The following GMDS variants were observed in gnomAD, a reference collection of about 807,000 sequenced individuals.
GMDS encodes GDP-mannose 4,6 dehydratase.
Under a neutral mutation model 49.9 loss-of-function variants are expected in GMDS, and 20 were observed. That is an observed-to-expected ratio of 0.40 (90% CI 0.28 to 0.58). The LOEUF is 0.58. Among genes scored for constraint, GMDS ranks in the 20% least tolerant of loss-of-function variants. The pLI, the probability that GMDS is intolerant of heterozygous loss-of-function variation, is 0.42. For synonymous variants in GMDS, 177 were observed against 178.6 expected, an observed-to-expected ratio of 0.99 and a Z score of 0.07; for missense variants, 362 against 481.4, an observed-to-expected ratio of 0.75 and a Z score of 2.32.
At chr6:2,233,745 G>T (rs186951598) in intron 1 of GMDS, among the ~76,000 whole-genome samples, 1 of 152,160 alleles carries the variant, frequency 6.6e-6, no homozygotes, top group Non-Finnish European at 1.5e-5. Context: ...TCTTGATCCC[G>T]GTGGGGGGCG....
intron 9 of GMDS, among the ~76,000 whole-genome samples, chr6:1,667,971 A>G (rs982779032): frequency 1.3e-5 from 2 of 152,212 alleles, no homozygotes; most frequent in Non-Finnish European, 2.9e-5. Context: ...TCCACATCAC[A>G]TGCGGCTGAC....
chr6:1,728,799 A>C (rs1050798492), intron 8 of GMDS, among the ~76,000 whole-genome samples: 5 of 152,176 alleles, frequency 3.3e-5, no homozygotes, highest in African/African-American at 1.2e-4. Context: ...TTCACAGATC[A>C]CATATAGTCT....
intron 4 of GMDS, among the ~76,000 whole-genome samples, chr6:2,067,540 A>G (rs1335932384): frequency 6.6e-6 from 1 of 152,148 alleles, no homozygotes; most frequent in East Asian, 1.9e-4. Flanking sequence ...AGAAAAAAAG[A>G]GAGAAGAATC....
intron 7 of GMDS, among the ~76,000 whole-genome samples, chr6:1,810,071 C>G (rs1033314849): frequency 2.0e-5 from 3 of 152,032 alleles, no homozygotes; most frequent in African/African-American, 7.2e-5. Flanking sequence ...TGTGGTAGCC[C>G]CTGAGCCGGG....
At chr6:2,220,278 AC>A (rs1407394870) in intron 1 of GMDS, among the ~76,000 whole-genome samples, 3 of 152,166 alleles carry the variant, frequency 2.0e-5, no homozygotes, top group Non-Finnish European at 4.4e-5. Context: ...AGGTACGGTA[AC>A]CTTTTAGTCA....
Position 1,623,866 on chromosome 6 carries a change from C to T in GMDS, c.*303G>A, listed in dbSNP as rs907284471. The T allele has an allele frequency of 7.4e-6, 3 of 406,488 alleles. No homozygotes were observed. Among genetic ancestry groups the T allele is most frequent in the East Asian group, 4.0e-5 (1 of 25,142 alleles). The allele number at this position is 406,488 out of a possible 1,614,324, so 25.2% of individuals were successfully genotyped here. On this transcript the variant is annotated 3_prime_UTR_variant, in exon 11 of 11. Transcript: ENST00000380815. Reference sequence around the variant, plus strand: ...AGAGAAAAACAATTTGAAGGCCCCACAATTTGTTGTGTAACAACATAATTT... The same window carrying T: ...AGAGAAAAACAATTTGAAGGCCCCATAATTTGTTGTGTAACAACATAATTT...
At chr6:1,817,155 C>T (rs1770707316) in intron 7 of GMDS, among the ~76,000 whole-genome samples, 1 of 150,998 alleles carries the variant, frequency 6.6e-6, no homozygotes, top group Non-Finnish European at 1.5e-5. Flanking sequence ...CAAGATGCTA[C>T]TGATAGATTG....
intron 7 of GMDS, among the ~76,000 whole-genome samples, chr6:1,813,185 G>A (rs752332037): frequency 1.1e-4 from 14 of 127,470 alleles, no homozygotes; most frequent in East Asian, 4.7e-4. Flanking sequence ...ATGTGCCGCC[G>A]CACTGAAGCC....
intron 4 of GMDS, among the ~76,000 whole-genome samples, chr6:2,002,582 C>A (rs552639726): frequency 1.1e-4 from 16 of 152,272 alleles, no homozygotes; most frequent in Admixed American, 3.9e-4. Flanking sequence ...TCTATGAAAT[C>A]CTACCCTGTG....
At chr6:1,892,162 A>T (rs755125469) in intron 7 of GMDS, among the ~76,000 whole-genome samples, 6 of 152,206 alleles carry the variant, frequency 3.9e-5, no homozygotes, top group Admixed American at 2.0e-4. Flanking sequence ...CTACTTAAAT[A>T]TGACATTTCT....
chr6:1,775,288 C>T (rs1301984457), intron 7 of GMDS, among the ~76,000 whole-genome samples: 1 of 152,170 alleles, frequency 6.6e-6, no homozygotes, highest in Non-Finnish European at 1.5e-5. Flanking sequence ...AGAGCCAAAA[C>T]GATGCAAATA....
chr6:2,218,070 C>A (rs1041471746), intron 1 of GMDS, among the ~76,000 whole-genome samples: 2 of 152,160 alleles, frequency 1.3e-5, no homozygotes, highest in African/African-American at 4.8e-5. Context: ...TGGGGGTACC[C>A]CTAAGCCCCA....
intron 1 of GMDS, among the ~76,000 whole-genome samples, chr6:2,240,177 C>T (rs1781547998): frequency 6.6e-6 from 1 of 152,200 alleles, no homozygotes; most frequent in Non-Finnish European, 1.5e-5. Context: ...ACTTTATAGC[C>T]TTGTGGTTGA....
chr6:1,815,984 C>T (rs1176699495), intron 7 of GMDS, among the ~76,000 whole-genome samples: 1 of 152,186 alleles, frequency 6.6e-6, no homozygotes, highest in Non-Finnish European at 1.5e-5. Flanking sequence ...AAATCCATTT[C>T]CCCACCTCTG....
chr6:1,989,683 T>C (rs998979075), intron 4 of GMDS, among the ~76,000 whole-genome samples: 3 of 152,088 alleles, frequency 2.0e-5, no homozygotes, highest in African/African-American at 7.2e-5. Flanking sequence ...ACTGGTACAC[T>C]CCCTTCCAAA....
intron 7 of GMDS, among the ~76,000 whole-genome samples, chr6:1,845,943 T>C (rs1181807874): frequency 6.6e-6 from 1 of 152,058 alleles, no homozygotes; most frequent in African/African-American, 2.4e-5. Flanking sequence ...CTCATAGCAA[T>C]ATTCAGGCAT....
chr6:1,868,119 T>G (rs1758530808), intron 7 of GMDS, among the ~76,000 whole-genome samples: 1 of 152,126 alleles, frequency 6.6e-6, no homozygotes, highest in Non-Finnish European at 1.5e-5. Flanking sequence ...CCTGAGTAGC[T>G]GGGACTACAG....
At chr6:1,663,426 A>T (rs569257604) in intron 9 of GMDS, among the ~76,000 whole-genome samples, 1 of 152,236 alleles carries the variant, frequency 6.6e-6, no homozygotes, top group Non-Finnish European at 1.5e-5. Context: ...CCTAGAAGAG[A>T]TTTTAGCTAT....
intron 4 of GMDS, among the ~76,000 whole-genome samples, chr6:2,024,563 A>T (rs1768469051): frequency 6.6e-6 from 1 of 152,168 alleles, no homozygotes; most frequent in Non-Finnish European, 1.5e-5. Context: ...TATTAATTAG[A>T]TTTAGACTTC....
Sources: gnomAD v4.1 joint callset for allele counts (sites outside exome capture counted in the v4.1 genomes callset) on GRCh38, gnomAD v4.1.1 for gene constraint, MANE v1.5 for transcripts, NCBI Gene and HGNC (gene_info 2026-07-23, HGNC 2026-07-21) for gene names.